Variants in TIAM1 observed in about 807,000 individuals in gnomAD.
TIAM1 encodes the protein TIAM Rac1 associated GEF 1, also known as rho guanine nucleotide exchange factor TIAM1.
A neutral mutation model predicts 163.5 loss-of-function variants in TIAM1; 65 were observed. The ratio of observed to expected loss-of-function variants is 0.40; its 90% CI spans 0.33 to 0.49. The LOEUF (loss-of-function observed/expected upper bound fraction) is 0.49. TIAM1 is among the 20% of genes least tolerant of loss of function. The pLI, the probability that TIAM1 is intolerant of heterozygous loss-of-function variation, is 0.77. For missense variants in TIAM1, 1,789 were observed against 2,044.7 expected (o/e 0.87, Z 2.41); for synonymous variants, 833 against 810.1 (o/e 1.03, Z -0.48).
intron 4 of TIAM1, among the ~76,000 whole-genome samples, chr21:31,265,367 G>A (rs537752548): frequency 6.6e-6 from 1 of 151,952 alleles, no homozygotes; most frequent in Non-Finnish European, 1.5e-5. Flanking sequence ...GTCAGGGTTT[G>A]CCCAAGGTCA....
At chr21:31,261,347 C>T (rs919253449) in intron 4 of TIAM1, among the ~76,000 whole-genome samples, 5 of 149,944 alleles carry the variant, frequency 3.3e-5, no homozygotes, top group East Asian at 2.0e-4. Flanking sequence ...TTTTCAAGCA[C>T]GGGGAGGTAG....
At chr21:31,453,174 T>C (rs184937087) in intron 2 of TIAM1, 199 of 269,626 alleles carry the variant, frequency 7.4e-4, no homozygotes, top group African/African-American at 3.9e-3. Context: ...ACAGTGGTGT[T>C]ACGGCGGTGG....
intron 2 of TIAM1, among the ~76,000 whole-genome samples, chr21:31,354,774 A>G (rs1216606570): frequency 6.6e-6 from 1 of 152,044 alleles, no homozygotes; most frequent in African/African-American, 2.4e-5. Context: ...CACCTAAAAC[A>G]CCAAAGTTCA....
At chr21:31,254,475 C>T (rs899559808) in intron 4 of TIAM1, among the ~76,000 whole-genome samples, 2 of 152,184 alleles carry the variant, frequency 1.3e-5, no homozygotes, top group Non-Finnish European at 2.9e-5. Flanking sequence ...GGGTGGATCA[C>T]CTGAGGTCAA....
At chr21:31,147,714 TAATATATAA>T (rs1306729788) in intron 19 of TIAM1, among the ~76,000 whole-genome samples, 4 of 144,344 alleles carry the variant, frequency 2.8e-5, no homozygotes, top group African/African-American at 1.0e-4. Context: ...ATATTTTATA[TAATATATAA>T]AATATATAAT....
chr21:31,317,176 C>T (rs766215854), intron 2 of TIAM1, among the ~76,000 whole-genome samples: 9 of 152,154 alleles, frequency 5.9e-5, no homozygotes, highest in Non-Finnish European at 1.3e-4. Flanking sequence ...ACTGCTTGGC[C>T]GGGCATGGTG....
At chr21:31,477,591 C>A (rs545132983) in intron 1 of TIAM1, among the ~76,000 whole-genome samples, 35 of 151,890 alleles carry the variant, frequency 2.3e-4, no homozygotes, top group Middle Eastern at 6.8e-3. Flanking sequence ...TCTTCTGCCT[C>A]AGCCTCCCAA....
In TIAM1 at chr21:31,241,595, A is replaced by G. The variant is rs556038084; in HGVS notation, c.1584+3893T>C. Among the ~76,000 whole-genome samples the G allele has an allele frequency of 3.9e-5, 6 of 152,342 alleles. No individual in the cohort carries two copies. In the East Asian group the frequency reaches 1.2e-3, roughly 29 times the overall value. The stretch of plus-strand genomic sequence containing the variant: ...ACTATCACCACCGATAATCAACAAC[A>G]ATAGCAAATCCTGGAGGATGGGAGG... On this transcript the variant is annotated intron_variant, in intron 6 of 27. Transcript: ENST00000541036.
At chr21:31,408,558 A>C (rs1287986925) in intron 2 of TIAM1, among the ~76,000 whole-genome samples, 1 of 152,258 alleles carries the variant, frequency 6.6e-6, no homozygotes, top group African/African-American at 2.4e-5. Flanking sequence ...ATTTTAATGA[A>C]AGTCTCCACT....
In TIAM1 at chr21:31,370,152, TTCTA is replaced by T. The variant is rs1469813524; in HGVS notation, c.-368-30734_-368-30731del. ...AAGAACCATGAGAAATAAATTTCTG[TTCTA>T]TCTAAGTTACCCAGATTAGGGTGCT... is the stretch of plus-strand genomic sequence containing the variant. On this transcript the variant is annotated intron_variant, in intron 2 of 28. Transcript: ENST00000286827. Among the ~76,000 whole-genome samples, 4 of 152,198 alleles carry T rather than the reference TTCTA, an allele frequency of 2.6e-5. No individual in the cohort carries two copies. The South Asian group carries it at 6.2e-4, about 24-fold the overall frequency.
intron 1 of TIAM1, among the ~76,000 whole-genome samples, chr21:31,546,243 A>G (rs2086203578): frequency 1.3e-5 from 1 of 77,150 alleles, no homozygotes; most frequent in Non-Finnish European, 3.1e-5. Flanking sequence ...AGGTAGAAGG[A>G]AAAAAAAATG....
intron 2 of TIAM1, among the ~76,000 whole-genome samples, chr21:31,336,556 G>T (rs956279751): frequency 1.3e-5 from 2 of 149,192 alleles, no homozygotes; most frequent in Non-Finnish European, 3.0e-5. Context: ...ACAGAACCTG[G>T]AAGCAACGTT....
intron 13 of TIAM1, among the ~76,000 whole-genome samples, chr21:31,189,501 A>G (rs1409116044): frequency 6.6e-6 from 1 of 152,216 alleles, no homozygotes; most frequent in Non-Finnish European, 1.5e-5. Flanking sequence ...GACATCTCTA[A>G]TTAGTGGGGA....
chr21:31,215,475 C>T (rs2087129815), intron 9 of TIAM1, among the ~76,000 whole-genome samples: 1 of 148,656 alleles, frequency 6.7e-6, no homozygotes, highest in African/African-American at 2.5e-5. Flanking sequence ...GCAAGAGAAT[C>T]ACTTGAACCC....
intron 2 of TIAM1, among the ~76,000 whole-genome samples, chr21:31,396,211 T>TAC (rs1248527832): frequency 6.6e-6 from 1 of 152,250 alleles, no homozygotes; most frequent in Non-Finnish European, 1.5e-5. Context: ...TGCCGATTCC[T>TAC]ACTGCCCAAA....
Position 31,222,707 on chromosome 21 carries a change from A to AT in TIAM1, c.1995+698dup, listed in dbSNP as rs527864043. ...TATATATATATATATATATATATAT[A>AT]TTTTTTTTTTTTTTTTTTTTTTTTT... On this transcript the variant is annotated intron_variant, in intron 8 of 27. Transcript: ENST00000541036. Among the ~76,000 whole-genome samples the AT allele has an allele frequency of 2.6e-3, 87 of 32,882 alleles. 4 individuals are homozygous for AT. Among genetic ancestry groups the AT allele is most frequent in the African/African-American group, 6.0e-3 (44 of 7,370 alleles). The allele number at this position is 32,882 out of a possible 152,430, so 21.6% of individuals were successfully genotyped here. A position where few individuals can be genotyped will look rare whatever the true frequency, so the allele number is the denominator to read the frequency against.
At chr21:31,397,134 C>T (rs1030228304) in intron 2 of TIAM1, among the ~76,000 whole-genome samples, 1 of 152,084 alleles carries the variant, frequency 6.6e-6, no homozygotes, top group Non-Finnish European at 1.5e-5. Flanking sequence ...AGCAGCAGAT[C>T]TTTAGATGTA....
intron 2 of TIAM1, among the ~76,000 whole-genome samples, chr21:31,372,249 G>T (rs1269225170): frequency 3.3e-5 from 5 of 152,158 alleles, no homozygotes; most frequent in Non-Finnish European, 7.3e-5. Flanking sequence ...AAGGTCTATA[G>T]GCACCATAGC....
chr21:31,205,541 C>T (rs1413318346), intron 11 of TIAM1, among the ~76,000 whole-genome samples: 1 of 152,214 alleles, frequency 6.6e-6, no homozygotes, highest in Non-Finnish European at 1.5e-5. Context: ...CTGCGGAGAA[C>T]TGCAGCATCC....
Sources: gnomAD v4.1 joint callset for allele counts (sites outside exome capture counted in the v4.1 genomes callset) on GRCh38, gnomAD v4.1.1 for gene constraint, MANE v1.5 for transcripts, NCBI Gene and HGNC (gene_info 2026-07-23, HGNC 2026-07-21) for gene names.